The following STK32C variants were observed in gnomAD, a reference collection of about 807,000 sequenced individuals.
STK32C encodes serine/threonine-protein kinase 32C.
In STK32C, 31 loss-of-function variants were observed where a neutral mutation model predicts 56.5. The observed-to-expected ratio is 0.55, with a 90% CI of 0.41 to 0.74. STK32C has a LOEUF of 0.74. Among genes scored for constraint, STK32C ranks in the 30% least tolerant of loss-of-function variants. STK32C has a pLI of 0.00. For synonymous variants in STK32C, 309 were observed against 289.4 expected, an observed-to-expected ratio of 1.07 and a Z score of -0.69; for missense variants, 544 against 676.9, an observed-to-expected ratio of 0.80 and a Z score of 2.18.
intron 2 of STK32C, among the ~76,000 whole-genome samples, chr10:132,236,606 A>G (rs1227681883): frequency 6.6e-6 from 1 of 152,190 alleles, no homozygotes; most frequent in Non-Finnish European, 1.5e-5. Flanking sequence ...AGGCAGCATG[A>G]CAAGTTTAAC....
intron 1 of STK32C, among the ~76,000 whole-genome samples, chr10:132,253,227 G>A (rs1383421289): frequency 6.6e-6 from 1 of 152,238 alleles, no homozygotes; most frequent in Non-Finnish European, 1.5e-5. Flanking sequence ...ATTGTTTCTG[G>A]TTTCTGGGTT....
intron 1 of STK32C, among the ~76,000 whole-genome samples, chr10:132,264,417 G>GT (rs2064422754): frequency 6.6e-6 from 1 of 152,248 alleles, no homozygotes; most frequent in Non-Finnish European, 1.5e-5. Flanking sequence ...CGAGCTGGGA[G>GT]TAGGCGTTAG....
At chr10:132,244,816 G>T (rs1329963842) in intron 2 of STK32C, among the ~76,000 whole-genome samples, 1 of 152,196 alleles carries the variant, frequency 6.6e-6, no homozygotes, top group African/African-American at 2.4e-5. Context: ...GGACAGGAGG[G>T]TCTGAGTCAG....
At chr10:132,248,406 G>A (rs1210987537) in intron 1 of STK32C, among the ~76,000 whole-genome samples, 5 of 152,228 alleles carry the variant, frequency 3.3e-5, no homozygotes, top group African/African-American at 7.2e-5. Flanking sequence ...GTGTCAGGGC[G>A]AGGCCCAGGG....
chr10:132,275,012 G>A (rs2064954522), intron 1 of STK32C, among the ~76,000 whole-genome samples: 1 of 152,170 alleles, frequency 6.6e-6, no homozygotes, highest in East Asian at 1.9e-4. Context: ...GCTTCTGAGG[G>A]CCCAGCACCA....
At position 132,208,148 on chromosome 10, in the gene STK32C, C is replaced by T. The variant is rs2062158129; in HGVS notation, c.1323G>A (p.Leu441=). The part of the protein sequence containing the change: ...QDFVIFNREK[L]KRSQDLPREP... ...CCCTCGGGAGGTCCTGGCTCCTCTT[C>T]AGCCTGGGGTGGCAGGAACACATGG... Residue 441 remains leucine, a synonymous_variant, in exon 12 of 12, where the codon CTG becomes CTA. Transcript: ENST00000298630. The T allele has an allele frequency of 7.6e-7, 1 of 1,310,116 alleles. No homozygotes were observed. Among genetic ancestry groups the T allele is most frequent in the Non-Finnish European group, 9.8e-7 (1 of 1,021,114 alleles). 81.2% of individuals were successfully genotyped at this position (1,310,116 alleles called of 1,614,324 possible). A position where few individuals can be genotyped will look rare whatever the true frequency, so the allele number is the denominator to read the frequency against.
At chr10:132,279,771 G>A (rs754409201) in intron 1 of STK32C, among the ~76,000 whole-genome samples, 12 of 121,892 alleles carry the variant, frequency 9.8e-5, no homozygotes, top group East Asian at 2.1e-4. Flanking sequence ...CCGTGATCAC[G>A]CCCCTGTACT....
chr10:132,313,533 T>C (rs1321512140), intron 1 of STK32C, among the ~76,000 whole-genome samples: 1 of 152,214 alleles, frequency 6.6e-6, no homozygotes, highest in Admixed American at 6.5e-5. Flanking sequence ...AAAGAGGGGA[T>C]GCACAGAGGG....
At chr10:132,259,951 A>G (rs1021756495) in intron 1 of STK32C, among the ~76,000 whole-genome samples, 1 of 152,114 alleles carries the variant, frequency 6.6e-6, no homozygotes, top group Non-Finnish European at 1.5e-5. Flanking sequence ...GGTTGTTGCC[A>G]TGGTTTCCTG....
Position 132,278,171 on chromosome 10 carries a change from G to A in STK32C, c.262+29401C>T, listed in dbSNP as rs563703666. 2.6e-5 allele frequency among the ~76,000 whole-genome samples: 4 copies of A among 152,166 alleles called. No individual in the cohort carries two copies. The South Asian group carries it at 8.3e-4, about 32-fold the overall frequency. ...AGAGCAGCTCCACCATCACTCTGTG[G>A]GGTCAGGAAAGAGACCTGGAGACAC... On this transcript the variant is annotated intron_variant, in intron 1 of 11. Coordinates refer to ENST00000298630, the MANE Select transcript of STK32C (RefSeq NM_173575.4).
At chr10:132,322,757 C>T (rs551719864), downstream of STK32C, among the ~76,000 whole-genome samples, 1 of 152,316 alleles carries the variant, frequency 6.6e-6, no homozygotes, top group East Asian at 1.9e-4. Context: ...GCCTGACACC[C>T]ATTTGGGGTC....
At chr10:132,224,753 G>A (rs2062820309) in intron 7 of STK32C, among the ~76,000 whole-genome samples, 1 of 152,154 alleles carries the variant, frequency 6.6e-6, no homozygotes, top group Admixed American at 6.5e-5. Flanking sequence ...TGGGATCCCA[G>A]GGGGCCTGGG....
intron 1 of STK32C, among the ~76,000 whole-genome samples, chr10:132,317,029 A>G (rs1396262561): frequency 6.6e-6 from 1 of 152,076 alleles, no homozygotes; most frequent in South Asian, 2.1e-4. Context: ...GATACTTAAA[A>G]GATGAAGAAA....
chr10:132,235,266 G>A (rs2063239394), intron 2 of STK32C, among the ~76,000 whole-genome samples: 1 of 152,112 alleles, frequency 6.6e-6, no homozygotes, highest in Non-Finnish European at 1.5e-5. Context: ...GAGAGGCGGA[G>A]GCGGGCAGAT....
At chr10:132,331,322 A>T in intron 1 of STK32C, 1 of 1,049,300 alleles carries the variant, frequency 9.5e-7, no homozygotes, top group East Asian at 2.6e-5. Context: ...TGGATCCTGG[A>T]ATGAAGGTGC....
intron 1 of STK32C, among the ~76,000 whole-genome samples, chr10:132,254,314 G>A (rs2064026513): frequency 1.3e-5 from 2 of 151,802 alleles, no homozygotes; most frequent in South Asian, 4.2e-4. Flanking sequence ...CATCAGGGGA[G>A]AAAAAAACAA....
chr10:132,228,317 T>C, intron 2 of STK32C, 189 bp from the exon 3 acceptor site: 2 of 673,486 alleles, frequency 3.0e-6, no homozygotes, highest in South Asian at 1.7e-5. Flanking sequence ...TGGTAACATA[T>C]TTGCTCTGGG....
upstream of STK32C, chr10:132,307,996 C>CAGGGGCGGGGCTTCTGGA: frequency 2.6e-6 from 2 of 765,192 alleles, no homozygotes; most frequent in Non-Finnish European, 3.0e-6. The surrounding 1 kb of genome is among the most constrained non-coding windows in gnomAD (Gnocchi z 4.4). Context: ...GGGGGCGGGG[C>CAGGGGCGGGGCTTCTGGA]AGGGGCGGGG....
intron 1 of STK32C, among the ~76,000 whole-genome samples, chr10:132,283,863 G>A (rs905397035): frequency 2.0e-5 from 3 of 152,260 alleles, no homozygotes; most frequent in Middle Eastern, 6.8e-3. Context: ...ACCCCAGACT[G>A]CCCAGGAGGC....
Sources: allele counts gnomAD v4.1 joint callset (sites outside exome capture counted in the v4.1 genomes callset), GRCh38; gene constraint gnomAD v4.1.1; non-coding constraint Gnocchi (gnomAD v3.1); transcripts MANE v1.5; gene names NCBI Gene and HGNC (gene_info 2026-07-23, HGNC 2026-07-21).